UNKL: variants seen among roughly 807,000 people sequenced by gnomAD.
The protein encoded by UNKL is unk like zinc finger.
UNKL carries 60 observed loss-of-function variants against 78.0 expected under a neutral mutation model. The observed-to-expected ratio is 0.77, with a 90% CI of 0.63 to 0.95. The LOEUF (loss-of-function observed/expected upper bound fraction) is 0.95, where lower values mean the gene tolerates loss of function less well. Ranked by LOEUF, UNKL falls within the 40% of genes least tolerant of loss-of-function variation. The pLI is 0.00. For synonymous variants in UNKL, 608 were observed against 474.8 expected (o/e 1.28, Z -3.65); for missense variants, 1,159 against 1,045.7 (o/e 1.11, Z -1.49).
At chr16:1,392,720 C>G (rs1203118963) in intron 8 of UNKL, among the ~76,000 whole-genome samples, 171 bp downstream of exon 8, 1 of 152,246 alleles carries the variant, frequency 6.6e-6, no homozygotes, top group African/African-American at 2.4e-5. Context: ...CAGGCGTGAG[C>G]CACTGCCCCC....
intron 5 of UNKL, chr16:1,398,679 G>GCGGGCCCCCCCCCCC: frequency 3.7e-6 from 5 of 1,356,064 alleles, no homozygotes; most frequent in Non-Finnish European, 4.8e-6. Flanking sequence ...TGTGGGGTCT[G>GCGGGCCCCCCCCCCC]CACCCCCCCA....
At chr16:1,402,599 G>A (rs758456768) in intron 3 of UNKL, among the ~76,000 whole-genome samples, 8 of 151,566 alleles carry the variant, frequency 5.3e-5, no homozygotes, top group South Asian at 4.2e-4. Flanking sequence ...GGAGGTAGAC[G>A]TTGCAGTGAG....
rs145543843 is a variant in UNKL, at chr16:1,399,401, C to T, written c.707G>A (p.Arg236Gln). Residue 236 changes from arginine (R) to glutamine (Q), a missense_variant, in exon 5 of 15, where the codon CGG becomes CAG. Transcript: ENST00000389221. The surrounding 1 kb of genome is among the most constrained non-coding windows in gnomAD (Gnocchi z 5.8). ...GTACTGGAACCGCCGGGGGTTGCGCCGCCTGTCCCGGCTATTGTGGTAGTG... is the reference window on the plus strand; with the variant it reads ...GTACTGGAACCGCCGGGGGTTGCGCTGCCTGTCCCGGCTATTGTGGTAGTG... ...CPHYHNSRDR[R>Q]RNPRRFQYRS... 4 of 1,601,256 alleles carry T rather than the reference C, an allele frequency of 2.5e-6. No individual in the cohort carries two copies. Among genetic ancestry groups the T allele is most frequent in the African/African-American group, 1.3e-5 (1 of 74,636 alleles).
At chr16:1,371,721 A>G in intron 10 of UNKL, 110 bp from the exon 11 acceptor site, 1 of 1,169,520 alleles carries the variant, frequency 8.6e-7, no homozygotes, top group African/African-American at 1.5e-5. Flanking sequence ...GACCAAGGGC[A>G]GAAGGCGTGG....
rs757280565 is a variant in UNKL, at chr16:1,387,167, GCACCGGGGACCCTCCCAGCCATGCAA to G, written c.1087-1808_1087-1783del. On this transcript the variant is annotated intron_variant, in intron 9 of 14. Transcript: ENST00000389221. This position sits in a 1 kb window ranked among gnomAD's most constrained non-coding sequence, Gnocchi z 4.1. ...CACCGGGGACCCTCCCAGCCATGCA[GCACCGGGGACCCTCCCAGCCATGCAA>G]CACCGGGGACACTCCCAGCCATGCA... is the stretch of plus-strand genomic sequence containing the variant. Among the ~76,000 whole-genome samples, 6 of 149,308 alleles carry G rather than the reference GCACCGGGGACCCTCCCAGCCATGCAA, an allele frequency of 4.0e-5. No individual in the cohort carries two copies. The highest frequency in any genetic ancestry group is 4.3e-4 in the South Asian group (2 of 4,674).
At chr16:1,368,250 G>GGTGACTGCCAATGTCTATGCA in intron 12 of UNKL, 1 of 245,494 alleles carries the variant, frequency 4.1e-6, no homozygotes, top group Non-Finnish European at 7.9e-6. Flanking sequence ...GTGTCCATGT[G>GGTGACTGCCAATGTCTATGCA]GTGACTGCCA....
intron 2 of UNKL, among the ~76,000 whole-genome samples, chr16:1,410,251 G>GAGTGCTGCCAATCAGTGC (rs2037976040): frequency 1.4e-5 from 2 of 146,694 alleles, no homozygotes; most frequent in South Asian, 2.2e-4. Context: ...GGGTGACAAA[G>GAGTGCTGCCAATCAGTGC]CAAGACCCTG....
At chr16:1,368,100 G>A (rs2035459785) in intron 12 of UNKL, 6 of 569,320 alleles carry the variant, frequency 1.1e-5, no homozygotes, top group Non-Finnish European at 1.9e-5. Context: ...ACGCCTTCCT[G>A]GCCACCTGAG....
intron 6 of UNKL, among the ~76,000 whole-genome samples, chr16:1,396,231 G>A (rs757203730): frequency 1.3e-5 from 2 of 151,016 alleles, no homozygotes; most frequent in Non-Finnish European, 3.0e-5. Flanking sequence ...GTGAGCCACC[G>A]TGCCTGGCCT....
chr16:1,366,238 G>T lies in UNKL; in HGVS notation c.*2C>A. 1 of 1,550,214 alleles carries T rather than the reference G, an allele frequency of 6.5e-7. No individual in the cohort carries two copies. The highest frequency in any genetic ancestry group is 1.2e-5 in the South Asian group (1 of 84,520). Reference sequence around the variant, plus strand: ...AGCAGGAGGTGGCTGTCCCCGCTGAGGTCACCACTGCAGGGGCTGGCCCTT... The same window carrying T: ...AGCAGGAGGTGGCTGTCCCCGCTGATGTCACCACTGCAGGGGCTGGCCCTT... On this transcript the variant is annotated 3_prime_UTR_variant, in exon 15 of 15. Coordinates refer to ENST00000389221, the MANE Select transcript of UNKL (RefSeq NM_001372107.1).
At chr16:1,374,256 C>A (rs1168129856) in intron 10 of UNKL, among the ~76,000 whole-genome samples, 3 of 152,216 alleles carry the variant, frequency 2.0e-5, no homozygotes, top group African/African-American at 7.2e-5. Flanking sequence ...CTTTGGCATC[C>A]ACTCTCCCAT....
chr16:1,376,399 C>T (rs2036229958), intron 10 of UNKL, among the ~76,000 whole-genome samples: 1 of 150,848 alleles, frequency 6.6e-6, no homozygotes, highest in African/African-American at 2.4e-5. Flanking sequence ...GGGCACTCCT[C>T]CTCCCTCCTC....
chr16:1,403,964 G>A lies in UNKL; in HGVS notation c.288-620C>T, dbSNP rs1230090904. On this transcript the variant is annotated intron_variant, in intron 2 of 14. Coordinates refer to ENST00000389221, the MANE Select transcript of UNKL (RefSeq NM_001372107.1). The surrounding 1 kb of genome is among the most constrained non-coding windows in gnomAD (Gnocchi z 4.8). ...GCAGGCCCAGAGCCATGCTCCTGGG[G>A]AGTCACAGGCAGCTCCTGAAGCACG... Among the ~76,000 whole-genome samples, 2 of 152,170 alleles carry A rather than the reference G, an allele frequency of 1.3e-5. No homozygotes were observed. Among genetic ancestry groups the A allele is most frequent in the Non-Finnish European group, 2.9e-5 (2 of 68,034 alleles).
intron 2 of UNKL, among the ~76,000 whole-genome samples, chr16:1,407,943 G>A (rs949236518): frequency 2.6e-5 from 4 of 151,898 alleles, no homozygotes; most frequent in Non-Finnish European, 5.9e-5. Flanking sequence ...TGGTGCCTCA[G>A]GCCTGTAATC....
At chr16:1,414,152 C>G (rs965188876) in intron 1 of UNKL, 97 bp from the exon 2 acceptor site, 3 of 1,222,720 alleles carry the variant, frequency 2.5e-6, no homozygotes, top group Non-Finnish European at 3.4e-6. Context: ...GAGCCTCAAC[C>G]CAGGGTCGAC....
At chr16:1,398,620 G>A in intron 5 of UNKL, 1 of 1,430,778 alleles carries the variant, frequency 7.0e-7, no homozygotes, top group South Asian at 1.5e-5. Flanking sequence ...GCTGGACACA[G>A]ACAGGGCCTC....
At chr16:1,411,042 A>C (rs992327448) in intron 2 of UNKL, among the ~76,000 whole-genome samples, 1 of 152,076 alleles carries the variant, frequency 6.6e-6, no homozygotes, top group Non-Finnish European at 1.5e-5. Context: ...GCGAGACTCC[A>C]TCTCTACAAA....
intron 2 of UNKL, among the ~76,000 whole-genome samples, chr16:1,411,688 G>T (rs2142293616): frequency 6.6e-6 from 1 of 152,282 alleles, no homozygotes. Flanking sequence ...AGCTGGGCGT[G>T]GTGGCACGCG....
At chr16:1,369,929 C>G in intron 12 of UNKL, 1 of 1,545,316 alleles carries the variant, frequency 6.5e-7, no homozygotes, top group African/African-American at 1.4e-5. Context: ...GAGCCGAGAT[C>G]GTACCATTGC....
Sources: gnomAD v4.1 joint callset for allele counts (sites outside exome capture counted in the v4.1 genomes callset) on GRCh38, gnomAD v4.1.1 for gene constraint, Gnocchi (gnomAD v3.1) non-coding constraint, MANE v1.5 for transcripts, NCBI Gene and HGNC (gene_info 2026-07-23, HGNC 2026-07-21) for gene names.